Variants in SAMD5 observed in about 807,000 individuals in gnomAD.
The protein encoded by SAMD5 is sterile alpha motif domain-containing protein 5.
Under a neutral mutation model 11.3 loss-of-function variants are expected in SAMD5, and 13 were observed. The observed-to-expected ratio is 1.15, with a 90% CI of 0.75 to 1.83. The LOEUF is 1.83. Ranked by LOEUF, SAMD5 falls within the 40% of genes most tolerant of loss-of-function variation. The pLI is 0.00. For synonymous variants in SAMD5, 129 were observed against 111.3 expected (o/e 1.16, Z -1.00); for missense variants, 255 against 239.1 (o/e 1.07, Z -0.44).
chr6:147,805,456 G>C, the SAMD5 span, among the ~76,000 whole-genome samples: 1 of 152,198 alleles, frequency 6.6e-6, no homozygotes, highest in East Asian at 1.9e-4. Context: ...TTATTGAAAT[G>C]ATGATAACTG....
chr6:147,866,918 A>T, the SAMD5 span, among the ~76,000 whole-genome samples: 1 of 152,132 alleles, frequency 6.6e-6, no homozygotes, highest in African/African-American at 2.4e-5. Flanking sequence ...GTTAATATAT[A>T]TTGTTCATAC....
downstream of SAMD5, among the ~76,000 whole-genome samples, chr6:147,572,694 T>C (rs1789154914): frequency 6.6e-6 from 1 of 152,216 alleles, no homozygotes; most frequent in Non-Finnish European, 1.5e-5. Context: ...TAATAATCAA[T>C]TGATTTCTGC....
the SAMD5 span, among the ~76,000 whole-genome samples, chr6:147,870,332 C>G: frequency 2.0e-5 from 3 of 151,926 alleles, 1 homozygote; most frequent in Non-Finnish European, 4.4e-5. Context: ...TTCTCAGAGG[C>G]CTTCCCTTAT....
the SAMD5 span, among the ~76,000 whole-genome samples, chr6:147,863,873 T>A: frequency 6.7e-6 from 1 of 149,070 alleles, no homozygotes; most frequent in Non-Finnish European, 1.5e-5. Flanking sequence ...AGACAGAGTC[T>A]TGCTCTGTTG....
At chr6:147,737,895 A>T (rs1365934728), downstream of SAMD5, among the ~76,000 whole-genome samples, 1 of 152,072 alleles carries the variant, frequency 6.6e-6, no homozygotes, top group South Asian at 2.1e-4. Context: ...TCTCCAGAAG[A>T]GAAAAAAGAA....
At position 147,733,713 on chromosome 6, in the gene SAMD5, G is replaced by T. The variant is rs914173983; in HGVS notation, c.163-3604G>T. The T allele has an allele frequency of 3.3e-5, 22 of 668,618 alleles. No homozygotes were observed. The African/African-American group carries it at 4.1e-4, about 12-fold the overall frequency. The allele number at this position is 668,618 out of a possible 1,614,324, so 41.4% of individuals were successfully genotyped here. ...AATGTTATATCTGAATCCCCGCTGT[G>T]ATTCATGTTTTCTAGGATTTAAAAT... On this transcript the variant is annotated intron_variant, in intron 1 of 1. Coordinates refer to the SAMD5 transcript ENST00000566741.
the SAMD5 span, among the ~76,000 whole-genome samples, chr6:147,915,476 A>G: frequency 6.6e-6 from 1 of 152,228 alleles, no homozygotes. Context: ...CTAGTTGTGT[A>G]ACCTAGGAGT....
chr6:147,795,496 T>A, the SAMD5 span, among the ~76,000 whole-genome samples: 1 of 149,012 alleles, frequency 6.7e-6, no homozygotes, highest in African/African-American at 2.5e-5. Context: ...TCCAAGTCTT[T>A]GCTATTGTGA....
chr6:147,895,055 TA>T, the SAMD5 span, among the ~76,000 whole-genome samples: 1 of 152,224 alleles, frequency 6.6e-6, no homozygotes, highest in Non-Finnish European at 1.5e-5. Flanking sequence ...CTTGATTAGT[TA>T]AAAACCAATA....
intron 1 of SAMD5, among the ~76,000 whole-genome samples, chr6:147,550,075 G>C (rs1040844097): frequency 6.6e-6 from 1 of 151,490 alleles, no homozygotes; most frequent in African/African-American, 2.4e-5. Flanking sequence ...CAAGACCTTT[G>C]TCTCTAAAAA....
intron 1 of SAMD5, among the ~76,000 whole-genome samples, chr6:147,593,714 C>T (rs912041855): frequency 4.6e-5 from 7 of 152,184 alleles, no homozygotes; most frequent in African/African-American, 1.7e-4. Context: ...GCTGTGCTCG[C>T]TTCTCCATAG....
intron 1 of SAMD5, among the ~76,000 whole-genome samples, chr6:147,718,715 A>C (rs1368387351): frequency 6.6e-6 from 1 of 151,664 alleles, no homozygotes; most frequent in Admixed American, 6.6e-5. Context: ...TTTGGAGGCA[A>C]AGTCTTGCTC....
chr6:147,754,137 T>C, the SAMD5 span, among the ~76,000 whole-genome samples: 1 of 152,198 alleles, frequency 6.6e-6, no homozygotes, highest in East Asian at 1.9e-4. Context: ...GTATTTTCCA[T>C]AGTGGCTGTA....
At chr6:147,733,456 G>A (rs572213263) in intron 1 of SAMD5, among the ~76,000 whole-genome samples, 3 of 151,246 alleles carry the variant, frequency 2.0e-5, no homozygotes, top group Non-Finnish European at 3.0e-5. Flanking sequence ...GGAAATAACG[G>A]CATTGAAACA....
chr6:147,754,287 T>G, the SAMD5 span, among the ~76,000 whole-genome samples: 3 of 152,168 alleles, frequency 2.0e-5, no homozygotes, highest in South Asian at 4.1e-4. Flanking sequence ...TGATTTGCAT[T>G]TCTCATTGAT....
the SAMD5 span, among the ~76,000 whole-genome samples, chr6:147,915,064 G>T: frequency 1.3e-5 from 2 of 152,132 alleles, no homozygotes; most frequent in African/African-American, 2.4e-5. Context: ...TACTATGGGG[G>T]AAAGAAATGC....
At chr6:147,544,316 T>C (rs1228335326) in intron 1 of SAMD5, among the ~76,000 whole-genome samples, 1 of 152,180 alleles carries the variant, frequency 6.6e-6, no homozygotes, top group East Asian at 1.9e-4. Context: ...CTTCCCAGAG[T>C]AACATTTATA....
In SAMD5 at chr6:147,626,791, G is replaced by GAAAAAAAAAAAAAAAAAAAAAAAAAAA. The variant is rs529975933; in HGVS notation, c.163-110500_163-110499insAAAAAAAAAAAAAAAAAAAAAAAAAAA. 7.9e-4 allele frequency among the ~76,000 whole-genome samples: 43 copies of GAAAAAAAAAAAAAAAAAAAAAAAAAAA among 54,726 alleles called. 2 individuals carry two copies. Among genetic ancestry groups the GAAAAAAAAAAAAAAAAAAAAAAAAAAA allele is most frequent in the Non-Finnish European group, 1.2e-3 (32 of 26,960 alleles). The allele number at this position is 54,726 out of a possible 152,430, so 35.9% of individuals were successfully genotyped here. ...CAACATAACGAGACACTGTTTCTAT[G>GAAAAAAAAAAAAAAAAAAAAAAAAAAA]AAAAAAAAAAAAAAAAAAAAAAAAA... On this transcript the variant is annotated intron_variant, in intron 1 of 1. Transcript: ENST00000566741.
In SAMD5 at chr6:147,508,969, A is replaced by G; in HGVS notation, c.41A>G (p.Gln14Arg). ...GTTTACGAGTGGCTCAAAGCGCTGC[A>G]GCTTCCGCAGTACGCGGAGTCCTTC... ...NIVYEWLKAL[Q>R]LPQYAESFVD... is the part of the protein sequence containing the mutation. The change falls in exon 1 of 2, where the codon CAG becomes CGG. Residue 14 changes from glutamine (Q) to arginine (R), a missense_variant. By Grantham distance (43) the Gln-to-Arg change is conservative. Coordinates refer to ENST00000367474, the MANE Select transcript of SAMD5 (RefSeq NM_001030060.3). The G allele has an allele frequency of 1.2e-6, 2 of 1,601,644 alleles. No homozygotes were observed. The highest frequency in any genetic ancestry group is 1.7e-6 in the Non-Finnish European group (2 of 1,174,612).
Sources: allele counts gnomAD v4.1 joint callset (sites outside exome capture counted in the v4.1 genomes callset), GRCh38; gene constraint gnomAD v4.1.1; transcripts MANE v1.5; gene names NCBI Gene and HGNC (gene_info 2026-07-23, HGNC 2026-07-21).